SGCD: variants seen among roughly 807,000 people sequenced by gnomAD.
SGCD encodes the protein sarcoglycan delta.
SGCD carries 18 observed loss-of-function variants against 36.6 expected under a neutral mutation model. The observed-to-expected ratio is 0.49, with a 90% CI of 0.34 to 0.73. SGCD has a LOEUF of 0.73. SGCD is among the 30% of genes least tolerant of loss of function. The pLI, the probability that SGCD is intolerant of heterozygous loss-of-function variation, is 0.01. For missense variants in SGCD, 387 were observed against 346.7 expected (o/e 1.12, Z -0.92); for synonymous variants, 133 against 130.6 (o/e 1.02, Z -0.12).
At chr5:156,695,518 TA>T (rs1312496711) in intron 7 of SGCD, among the ~76,000 whole-genome samples, 7 of 4,326 alleles carry the variant, frequency 1.6e-3, no homozygotes, top group Non-Finnish European at 3.8e-3. Flanking sequence ...GATGGATAGA[TA>T]GATAGATAGA....
At chr5:156,643,977 A>C (rs191534597) in intron 6 of SGCD, among the ~76,000 whole-genome samples, 29 of 152,274 alleles carry the variant, frequency 1.9e-4, no homozygotes, top group African/African-American at 5.5e-4. Flanking sequence ...GTTCATATTC[A>C]TTAATACAAA....
intron 1 of SGCD, among the ~76,000 whole-genome samples, chr5:156,051,517 T>C (rs1382419613): frequency 6.8e-6 from 1 of 146,344 alleles, no homozygotes. Context: ...CAAATCTTTA[T>C]GCAAGATAGT....
intron 1 of SGCD, among the ~76,000 whole-genome samples, chr5:155,943,056 G>A (rs1191213735): frequency 6.6e-6 from 1 of 152,200 alleles, no homozygotes; most frequent in Non-Finnish European, 1.5e-5. Flanking sequence ...CTATGATAGA[G>A]TTGAGGACAA....
intron 3 of SGCD, among the ~76,000 whole-genome samples, chr5:156,475,541 C>T (rs1389644711): frequency 1.3e-5 from 2 of 152,110 alleles, no homozygotes; most frequent in Non-Finnish European, 2.9e-5. Flanking sequence ...TTCCTTTAGC[C>T]CCTGTCTCCA....
intron 3 of SGCD, among the ~76,000 whole-genome samples, chr5:156,405,534 C>T (rs944911719): frequency 2.6e-5 from 4 of 152,154 alleles, no homozygotes; most frequent in Non-Finnish European, 4.4e-5. Flanking sequence ...TTTTAGTAAA[C>T]AGTAAAATTG....
At chr5:156,361,515 T>G (rs914309027) in intron 3 of SGCD, among the ~76,000 whole-genome samples, 15 of 152,180 alleles carry the variant, frequency 9.9e-5, no homozygotes, top group African/African-American at 3.1e-4. Flanking sequence ...GAAAGTAGAG[T>G]ATGGTAGGCA....
At chr5:156,633,536 G>T (rs1463344472) in intron 6 of SGCD, among the ~76,000 whole-genome samples, 1 of 152,158 alleles carries the variant, frequency 6.6e-6, no homozygotes, top group African/African-American at 2.4e-5. Context: ...CCACAATGAT[G>T]CTCTGTGAAA....
intron 1 of SGCD, among the ~76,000 whole-genome samples, chr5:156,080,805 A>G (rs1380531962): frequency 6.6e-6 from 1 of 152,170 alleles, no homozygotes; most frequent in Non-Finnish European, 1.5e-5. Context: ...TTTTAGTCAC[A>G]ATCCTTTAAC....
chr5:156,479,821 A>C (rs1438729902), intron 3 of SGCD, among the ~76,000 whole-genome samples: 1 of 152,174 alleles, frequency 6.6e-6, no homozygotes, highest in Non-Finnish European at 1.5e-5. Context: ...TCACCCATTC[A>C]CAGGTTACTG....
At chr5:156,326,785 C>T (rs1233142752), upstream of SGCD, 3 of 152,318 alleles carry the variant, frequency 2.0e-5, no homozygotes, top group East Asian at 5.8e-4. Flanking sequence ...GCATCTAGCA[C>T]TACAGAGCAG....
Position 155,876,638 on chromosome 5 carries a change from A to G in SGCD, c.-282+6214A>G, listed in dbSNP as rs540163270. ...AGCTTAGCTGCGTTTCTTCCTTGAT[A>G]TTCTCTATTTGTGATCATCTAAGTC... On this transcript the variant is annotated intron_variant, in intron 1 of 9. Coordinates refer to the SGCD transcript ENST00000517913. Among the ~76,000 whole-genome samples the G allele has an allele frequency of 3.3e-5, 5 of 152,182 alleles. No individual in the cohort carries two copies. In the South Asian group the frequency reaches 8.3e-4, roughly 25 times the overall value.
intron 3 of SGCD, among the ~76,000 whole-genome samples, chr5:156,296,858 T>C (rs2127681411): frequency 6.6e-6 from 1 of 152,204 alleles, no homozygotes. Context: ...AATGTCTACT[T>C]CTCCCTTCAC....
At chr5:155,976,373 C>T (rs866412437) in intron 1 of SGCD, among the ~76,000 whole-genome samples, 1 of 152,092 alleles carries the variant, frequency 6.6e-6, no homozygotes, top group Non-Finnish European at 1.5e-5. Context: ...AAACAAAAAA[C>T]TAGAGCTAAA....
At chr5:155,776,373 G>C in the SGCD span, among the ~76,000 whole-genome samples, 1 of 152,210 alleles carries the variant, frequency 6.6e-6, no homozygotes, top group Middle Eastern at 3.4e-3. Flanking sequence ...TGCAGAATAT[G>C]AATAACAGTT....
At chr5:155,892,779 G>A (rs187211517) in intron 1 of SGCD, among the ~76,000 whole-genome samples, 1 of 152,146 alleles carries the variant, frequency 6.6e-6, no homozygotes. Context: ...GTATTACATT[G>A]TGTATATATA....
chr5:155,955,520 T>C (rs1757632901), intron 1 of SGCD, among the ~76,000 whole-genome samples: 1 of 152,128 alleles, frequency 6.6e-6, no homozygotes, highest in Admixed American at 6.5e-5. Flanking sequence ...GCAGGCTATA[T>C]TGGAGACACT....
chr5:155,856,543 C>T, the SGCD span, among the ~76,000 whole-genome samples: 1 of 151,388 alleles, frequency 6.6e-6, no homozygotes, highest in Non-Finnish European at 1.5e-5. Flanking sequence ...TTGAAAGACA[C>T]TGTTAAGAAA....
chr5:155,818,041 TAA>T, the SGCD span, among the ~76,000 whole-genome samples: 1 of 152,200 alleles, frequency 6.6e-6, no homozygotes, highest in Non-Finnish European at 1.5e-5. Flanking sequence ...TTCAGTTTAG[TAA>T]ACTATAAAAC....
At chr5:156,202,743 G>A (rs1455209260) in intron 3 of SGCD, among the ~76,000 whole-genome samples, 1 of 142,044 alleles carries the variant, frequency 7.0e-6, no homozygotes, top group African/African-American at 2.7e-5. Flanking sequence ...CAGTGGAGTA[G>A]CAGAGGTTCC....
Sources: gnomAD v4.1 joint callset for allele counts (sites outside exome capture counted in the v4.1 genomes callset) on GRCh38, gnomAD v4.1.1 for gene constraint, MANE v1.5 for transcripts, NCBI Gene and HGNC (gene_info 2026-07-23, HGNC 2026-07-21) for gene names.